Variants in MLLT10 observed in about 807,000 individuals in gnomAD.
The protein encoded by MLLT10 is protein AF-10.
In MLLT10, 30 loss-of-function variants were observed where a neutral mutation model predicts 129.1. The observed-to-expected ratio is 0.23, with a 90% CI of 0.17 to 0.32. The LOEUF (loss-of-function observed/expected upper bound fraction) is 0.32, where lower values mean the gene tolerates loss of function less well. Ranked by LOEUF, MLLT10 falls within the 10% of genes least tolerant of loss-of-function variation. The pLI, the probability that MLLT10 is intolerant of heterozygous loss-of-function variation, is 1.00. For missense variants in MLLT10, 1,119 were observed against 1,268.3 expected (o/e 0.88, Z 1.79); for synonymous variants, 490 against 446.4 (o/e 1.10, Z -1.23).
intron 14 of MLLT10, among the ~76,000 whole-genome samples, chr10:21,721,590 TAAC>T (rs1237011849): frequency 1.3e-5 from 2 of 152,186 alleles, no homozygotes; most frequent in African/African-American, 4.8e-5. Flanking sequence ...AAACTCTTAA[TAAC>T]AGGAGAAATT....
intron 13 of MLLT10, among the ~76,000 whole-genome samples, chr10:21,706,612 T>G (rs1465393092): frequency 6.6e-6 from 1 of 152,244 alleles, no homozygotes. Flanking sequence ...TTCACAGTCT[T>G]TTTCCTGAAT....
At chr10:21,704,345 CTCTCTCTCTCTCTA>C (rs1164674590) in intron 13 of MLLT10, among the ~76,000 whole-genome samples, 7 of 59,796 alleles carry the variant, frequency 1.2e-4, no homozygotes, top group Admixed American at 3.3e-4. Flanking sequence ...CTCTCTCTCT[CTCTCTCTCTCTCTA>C]TATATATATA....
intron 22 of MLLT10, among the ~76,000 whole-genome samples, chr10:21,741,182 TC>T (rs2058801826): frequency 6.6e-6 from 1 of 152,216 alleles, no homozygotes; most frequent in Non-Finnish European, 1.5e-5. Context: ...CTCGCCTACT[TC>T]CTGTCATCAC....
chr10:21,573,153 C>T (rs183482289), intron 3 of MLLT10, among the ~76,000 whole-genome samples: 2 of 151,748 alleles, frequency 1.3e-5, no homozygotes, highest in Admixed American at 6.6e-5. Context: ...CTCTTTTTTC[C>T]CATTTGTAAT....
chr10:21,689,546 AATATATATATATATATATGTATAT>A (rs1435313074), intron 13 of MLLT10, among the ~76,000 whole-genome samples: 12 of 108,334 alleles, frequency 1.1e-4, no homozygotes, highest in South Asian at 5.8e-4. Flanking sequence ...TGTGTAAAGT[AATATATATATATATATATGTATAT>A]ATATATATAT....
intron 8 of MLLT10, among the ~76,000 whole-genome samples, chr10:21,634,614 TCTGTTGTA>T (rs980573318): frequency 6.6e-6 from 1 of 152,238 alleles, no homozygotes; most frequent in Non-Finnish European, 1.5e-5. Context: ...TTTGCCTGAA[TCTGTTGTA>T]ACTTTGGTGG....
Position 21,593,336 on chromosome 10 carries a change from G to A in MLLT10, c.296-1995G>A, listed in dbSNP as rs538276553. 3.3e-5 allele frequency among the ~76,000 whole-genome samples: 5 copies of A among 151,970 alleles called. No homozygotes were observed. The East Asian group carries it at 5.8e-4, about 18-fold the overall frequency. Reference sequence around the variant, plus strand: ...TTGAACTCCTGATCTCAAGTGATCCGCCTCAGCCTTCCAAAGTGCTGGGCT... The same window carrying A: ...TTGAACTCCTGATCTCAAGTGATCCACCTCAGCCTTCCAAAGTGCTGGGCT... On this transcript the variant is annotated intron_variant, in intron 4 of 22. Coordinates refer to ENST00000307729, the MANE Select transcript of MLLT10 (RefSeq NM_001195626.3).
intron 13 of MLLT10, among the ~76,000 whole-genome samples, chr10:21,683,100 G>A (rs1363122834): frequency 6.6e-6 from 1 of 152,150 alleles, no homozygotes; most frequent in South Asian, 2.1e-4. Context: ...CAGTCGATTT[G>A]TGTTGCGTTT....
chr10:21,724,587 A>G (rs897691349), intron 14 of MLLT10, among the ~76,000 whole-genome samples: 9 of 152,270 alleles, frequency 5.9e-5, no homozygotes, highest in African/African-American at 1.4e-4. Flanking sequence ...GTTTGATTTC[A>G]TTCATGAAAA....
intron 4 of MLLT10, among the ~76,000 whole-genome samples, chr10:21,590,009 C>T (rs1392111746): frequency 6.6e-6 from 1 of 152,118 alleles, no homozygotes; most frequent in Non-Finnish European, 1.5e-5. Flanking sequence ...TCATAGCTCA[C>T]TGCAGATTCA....
intron 3 of MLLT10, among the ~76,000 whole-genome samples, chr10:21,555,245 A>G (rs187851453): frequency 5.3e-5 from 8 of 151,652 alleles, no homozygotes; most frequent in African/African-American, 1.9e-4. Context: ...TTTTTTTGAG[A>G]CAGAGTCTTG....
chr10:21,580,405 T>C (rs79191628), intron 3 of MLLT10, among the ~76,000 whole-genome samples: 54 of 151,232 alleles, frequency 3.6e-4, no homozygotes, highest in Admixed American at 5.9e-4. Flanking sequence ...TTTTTTTTTT[T>C]CGAGATGGAG....
chr10:21,731,634 ATAAT>A (rs2057978693), intron 17 of MLLT10, among the ~76,000 whole-genome samples: 1 of 152,206 alleles, frequency 6.6e-6, no homozygotes, highest in Non-Finnish European at 1.5e-5. Context: ...AGGAAGAATA[ATAAT>A]TATTGAATTA....
intron 3 of MLLT10, among the ~76,000 whole-genome samples, chr10:21,570,741 C>T (rs2040113782): frequency 6.6e-6 from 1 of 151,944 alleles, no homozygotes; most frequent in Non-Finnish European, 1.5e-5. Context: ...TTCTTCTAGC[C>T]TTCTGATCAT....
intron 8 of MLLT10, among the ~76,000 whole-genome samples, chr10:21,638,919 A>G (rs1370672474): frequency 6.6e-6 from 1 of 152,138 alleles, no homozygotes; most frequent in Admixed American, 6.5e-5. Context: ...GTTTAAACAT[A>G]GTTTCTGGTG....
At chr10:21,586,470 A>G in intron 4 of MLLT10, 122 bp downstream of exon 4, 1 of 794,930 alleles carries the variant, frequency 1.3e-6, no homozygotes, top group Non-Finnish European at 2.1e-6. Flanking sequence ...CATTTTTAAC[A>G]GTGGTGGCTA....
intron 6 of MLLT10, among the ~76,000 whole-genome samples, chr10:21,614,159 A>G (rs1343172056): frequency 6.7e-6 from 1 of 148,494 alleles, no homozygotes; most frequent in Non-Finnish European, 1.5e-5. Flanking sequence ...TTAAGGCTGC[A>G]GTGAGCTTTC....
At chr10:21,590,897 A>G (rs1021623412) in intron 4 of MLLT10, among the ~76,000 whole-genome samples, 1 of 151,868 alleles carries the variant, frequency 6.6e-6, no homozygotes, top group Non-Finnish European at 1.5e-5. Context: ...CCTAGTACTT[A>G]CTATGTGTTA....
chr10:21,579,753 G>A (rs2041195241), intron 3 of MLLT10, among the ~76,000 whole-genome samples: 1 of 151,570 alleles, frequency 6.6e-6, no homozygotes, highest in African/African-American at 2.4e-5. Flanking sequence ...AGTAGAGACG[G>A]GGTTTCTCCA....
Sources: allele counts gnomAD v4.1 joint callset (sites outside exome capture counted in the v4.1 genomes callset), GRCh38; gene constraint gnomAD v4.1.1; transcripts MANE v1.5; gene names NCBI Gene and HGNC (gene_info 2026-07-23, HGNC 2026-07-21).